BLK: variants seen among roughly 807,000 people sequenced by gnomAD.
BLK encodes the protein tyrosine-protein kinase Blk.
BLK carries 64 observed loss-of-function variants against 61.8 expected under a neutral mutation model. The observed-to-expected ratio is 1.03, with a 90% CI of 0.85 to 1.27. The LOEUF (loss-of-function observed/expected upper bound fraction) is 1.27. BLK is among the 50% of genes most tolerant of loss of function. The probability of loss-of-function intolerance (pLI) is 0.00; values close to 1 mark genes in which losing one functional copy is unlikely to be tolerated. For synonymous variants in BLK, 351 were observed against 272.0 expected (o/e 1.29, Z -2.86); for missense variants, 853 against 660.5 (o/e 1.29, Z -3.19).
intron 1 of BLK, among the ~76,000 whole-genome samples, chr8:11,507,244 G>C (rs1267140477): frequency 6.6e-6 from 1 of 152,208 alleles, no homozygotes; most frequent in Non-Finnish European, 1.5e-5. Context: ...AGGAAGGACA[G>C]CTTGACAACT....
chr8:11,548,605 T>C lies in BLK; in HGVS notation c.270-419T>C, dbSNP rs976731841. ...TCTCTCAGTGGCCAGGCTTGTCCTG[T>C]GGAGCTCTGAGGGTCTGATTTGGTT... On this transcript the variant is annotated intron_variant, in intron 4 of 12. Coordinates refer to ENST00000259089, the MANE Select transcript of BLK (RefSeq NM_001715.3). Among the ~76,000 whole-genome samples the C allele has an allele frequency of 2.0e-5, 3 of 152,226 alleles. No homozygotes were observed. The East Asian group carries it at 5.8e-4, about 29-fold the overall frequency.
intron 1 of BLK, among the ~76,000 whole-genome samples, chr8:11,528,906 C>T (rs1799782321): frequency 6.6e-6 from 1 of 152,032 alleles, no homozygotes; most frequent in Non-Finnish European, 1.5e-5. Context: ...ACGGTGAGAA[C>T]ATATGGACAC....
chr8:11,534,408 C>A (rs199515747), intron 1 of BLK, among the ~76,000 whole-genome samples: 96 of 152,116 alleles, frequency 6.3e-4, no homozygotes, highest in East Asian at 4.0e-3. Flanking sequence ...GTTCCCCCCC[C>A]AAAAAAATTC....
intron 1 of BLK, among the ~76,000 whole-genome samples, chr8:11,524,108 T>A (rs779742008): frequency 5.9e-5 from 9 of 152,226 alleles, no homozygotes; most frequent in Non-Finnish European, 1.3e-4. Context: ...AATAACTTAT[T>A]TGACCATTAG....
At chr8:11,503,810 T>A (rs985873710) in intron 1 of BLK, among the ~76,000 whole-genome samples, 2 of 152,144 alleles carry the variant, frequency 1.3e-5, no homozygotes, top group African/African-American at 4.8e-5. Context: ...TGCCCTGGGC[T>A]CGCAGTGAAA....
chr8:11,530,679 C>G (rs1282855890), intron 1 of BLK, among the ~76,000 whole-genome samples: 2 of 112,244 alleles, frequency 1.8e-5, no homozygotes, highest in Admixed American at 9.4e-5. Context: ...TTGTAAATAG[C>G]TCAGTAGAAG....
chr8:11,500,704 G>A (rs1442889922), intron 1 of BLK, among the ~76,000 whole-genome samples: 1 of 151,446 alleles, frequency 6.6e-6, no homozygotes, highest in Non-Finnish European at 1.5e-5. Context: ...GTAGAGATGG[G>A]TTTTTACCAT....
chr8:11,496,927 C>T lies in BLK; in HGVS notation c.-2+2336C>T, dbSNP rs181990673. Among the ~76,000 whole-genome samples the T allele has an allele frequency of 9.9e-5, 15 of 152,202 alleles. No individual in the cohort carries two copies. The East Asian group carries it at 2.3e-3, about 24-fold the overall frequency. ...GAGTGAGGATTCTGACCTTGTGAGC[C>T]CACCTGCAGCCTGGGGTCTGCAGCC... On this transcript the variant is annotated intron_variant, in intron 1 of 12. Coordinates refer to ENST00000259089, the MANE Select transcript of BLK (RefSeq NM_001715.3).
chr8:11,551,812 C>T (rs1037460907), intron 6 of BLK, among the ~76,000 whole-genome samples: 1 of 152,042 alleles, frequency 6.6e-6, no homozygotes, highest in African/African-American at 2.4e-5. Flanking sequence ...AAAGGGAGTC[C>T]CTGAAACAGG....
chr8:11,503,474 C>T (rs974677735), intron 1 of BLK, among the ~76,000 whole-genome samples: 25 of 152,192 alleles, frequency 1.6e-4, no homozygotes, highest in African/African-American at 5.5e-4. Flanking sequence ...GCCCCTGTGT[C>T]AGGTGGGACG....
chr8:11,563,548 C>A (rs1355978182), intron 12 of BLK, among the ~76,000 whole-genome samples: 1 of 152,164 alleles, frequency 6.6e-6, no homozygotes, highest in African/African-American at 2.4e-5. Flanking sequence ...GGGCAGGCTC[C>A]GGGTCACCTG....
intron 1 of BLK, among the ~76,000 whole-genome samples, chr8:11,538,785 G>A (rs1800243674): frequency 6.6e-6 from 1 of 152,186 alleles, no homozygotes; most frequent in African/African-American, 2.4e-5. Flanking sequence ...AAAGGCCTGA[G>A]GTTCAGGCAG....
Position 11,546,963 on chromosome 8 carries a change from T to C in BLK, c.175+860T>C, listed in dbSNP as rs1440249280. ...CTTTCTGGGCCAGAGGCTCCACCCC[T>C]GGGGACTCCCAAGAGGGTGGCCTCC... On this transcript the variant is annotated intron_variant, in intron 3 of 12. Transcript: ENST00000259089. Among the ~76,000 whole-genome samples, 7 of 152,314 alleles carry C rather than the reference T, an allele frequency of 4.6e-5. No individual in the cohort carries two copies. In the South Asian group the frequency reaches 1.2e-3, roughly 27 times the overall value.
At chr8:11,499,036 A>T (rs1220147769) in intron 1 of BLK, among the ~76,000 whole-genome samples, 1 of 152,238 alleles carries the variant, frequency 6.6e-6, no homozygotes, top group Non-Finnish European at 1.5e-5. Context: ...AAGAGAAAGT[A>T]AATTTAGTAA....
chr8:11,519,341 C>T lies in BLK; in HGVS notation c.-1-23883C>T, dbSNP rs554855781. ...ATTTGGCTGTCTAGACCAGAAGCTC[C>T]GAAACAGTTCCACGGTATTGAACCA... On this transcript the variant is annotated intron_variant, in intron 1 of 12. Transcript: ENST00000259089. Among the ~76,000 whole-genome samples the T allele has an allele frequency of 3.3e-5, 5 of 152,240 alleles. No homozygotes were observed. The East Asian group carries it at 5.8e-4, about 18-fold the overall frequency.
At chr8:11,514,097 T>C (rs189370861) in intron 1 of BLK, among the ~76,000 whole-genome samples, 19 of 152,298 alleles carry the variant, frequency 1.2e-4, no homozygotes, top group Admixed American at 1.2e-3. Context: ...AAGGAACCAT[T>C]CTGTTTTGGT....
At chr8:11,559,501 TCACAAACTCACACA>T (rs1286983867) in intron 10 of BLK, among the ~76,000 whole-genome samples, 28 of 123,016 alleles carry the variant, frequency 2.3e-4, no homozygotes, top group East Asian at 5.9e-4. Flanking sequence ...TTACACAAAC[TCACAAACTCACACA>T]CACAAACACA....
intron 1 of BLK, among the ~76,000 whole-genome samples, chr8:11,508,175 C>T (rs575917591): frequency 1.1e-4 from 16 of 152,358 alleles, no homozygotes; most frequent in South Asian, 6.2e-4. Context: ...CTGAACCCTC[C>T]ATCTGTCTTC....
chr8:11,529,543 T>A (rs1237296825), intron 1 of BLK, among the ~76,000 whole-genome samples: 1 of 151,912 alleles, frequency 6.6e-6, no homozygotes, highest in African/African-American at 2.4e-5. Context: ...TTAGGAGCAG[T>A]TTGGGGGGTG....
Sources: allele counts gnomAD v4.1 joint callset (sites outside exome capture counted in the v4.1 genomes callset), GRCh38; gene constraint gnomAD v4.1.1; transcripts MANE v1.5; gene names NCBI Gene and HGNC (gene_info 2026-07-23, HGNC 2026-07-21).